The following FASTK variants were observed in gnomAD, a reference collection of about 807,000 sequenced individuals.
FASTK encodes fas-activated serine/threonine kinase.
FASTK carries 28 observed loss-of-function variants against 60.0 expected under a neutral mutation model. The ratio of observed to expected loss-of-function variants is 0.47; its 90% CI spans 0.35 to 0.64. FASTK has a LOEUF of 0.64. FASTK is among the 30% of genes least tolerant of loss of function. The pLI, the probability that FASTK is intolerant of heterozygous loss-of-function variation, is 0.01. For synonymous variants in FASTK, 325 were observed against 307.9 expected, an observed-to-expected ratio of 1.06 and a Z score of -0.58; for missense variants, 595 against 713.8, an observed-to-expected ratio of 0.83 and a Z score of 1.90.
Position 151,079,527 on chromosome 7 carries a change from C to T in FASTK, c.478G>A (p.Val160Met). The T allele has an allele frequency of 5.0e-6, 8 of 1,610,664 alleles. No individual in the cohort carries two copies. Among genetic ancestry groups the T allele is most frequent in the Non-Finnish European group, 6.8e-6 (8 of 1,177,820 alleles). ...CPSFDIHTIH[V>M]CLHLAVLLGF... is the part of the protein sequence containing the mutation. The stretch of plus-strand genomic sequence containing the variant: ...AGTAAGACTGCAAGGTGCAGACACA[C>T]GTGGATGGTGTGAATGTCAAAGGAG... The change falls in exon 2 of 10, where the codon GTG becomes ATG. Residue 160 changes from valine (V) to methionine (M), a missense_variant. Val to Met is a conservative substitution (Grantham distance 21, BLOSUM62 1). Transcript: ENST00000297532.
In FASTK at chr7:151,077,885, T is replaced by C. The variant is rs536778102; in HGVS notation, c.1033A>G (p.Ile345Val). 10 of 1,613,086 alleles carry C rather than the reference T, an allele frequency of 6.2e-6. No homozygotes were observed. The East Asian group carries it at 1.6e-4, about 25-fold the overall frequency. ...AGCCATCCTGGCTGCGTACCACTGA[T>C]GTAGTTGATGAAGCCAGGGGAAAAA... is the stretch of plus-strand genomic sequence containing the variant. Reference protein sequence around the residue: ...FVFSPGFINYISGTPHALIVR... With the variant: ...FVFSPGFINYVSGTPHALIVR... Residue 345 changes from isoleucine to valine, a missense_variant, in exon 5 of 10, where the codon ATC becomes GTC. Physicochemically the swap from Ile to Val is conservative, Grantham distance 29 (BLOSUM62 3). This residue lies in a region of FASTK where 471 missense variants were observed against 605.9 expected (regional missense o/e 0.78). Transcript: ENST00000297532.
In FASTK at chr7:151,077,980, AG is replaced by A; in HGVS notation, c.937del (p.Leu313TrpfsTer7). ...TGACATCAAGATGTTGACTGTAGCC[AG>A]GGGTGCCACCCCTGCTTCCCGAGCC... is the stretch of plus-strand genomic sequence containing the variant. Reference protein sequence around the residue: ...ILAREAGVAPLATVNILMSLC... With the variant: ...ILAREAGVAPXATVNILMSLC... On this transcript the variant is annotated frameshift_variant, in exon 5 of 10. Transcript: ENST00000297532. LOFTEE classifies it high-confidence loss of function. 1 of 1,613,384 alleles carries A rather than the reference AG, an allele frequency of 6.2e-7. No individual in the cohort carries two copies. Among genetic ancestry groups the A allele is most frequent in the South Asian group, 1.1e-5 (1 of 91,076 alleles).
intron 2 of FASTK, 172 bp downstream of exon 2, chr7:151,079,328 G>A: frequency 1.5e-6 from 1 of 679,904 alleles, no homozygotes. Context: ...AGCGAGGCCG[G>A]AAGGAGTGCG....
At chr7:151,080,395 G>C in intron 1 of FASTK, 1 of 1,047,788 alleles carries the variant, frequency 9.5e-7, no homozygotes, top group Non-Finnish European at 1.2e-6. Flanking sequence ...CGGGCTCCGC[G>C]GCTGGACGGT....
Position 151,078,663 on chromosome 7 carries a change from G to A in FASTK, c.724C>T (p.Leu242Phe). Reference sequence around the variant, plus strand: ...TGCCGGGCCAGGTGCTGGGCCAGGAGCACCATCACGTGGGGAGTCAGTTCC... The same window carrying A: ...TGCCGGGCCAGGTGCTGGGCCAGGAACACCATCACGTGGGGAGTCAGTTCC... ...PEELTPHVMV[L>F]LAQHLARHRL... is the part of the protein sequence containing the mutation. The change falls in exon 4 of 10, where the codon CTC becomes TTC. Residue 242 changes from leucine to phenylalanine, a missense_variant. This residue lies in a region of FASTK where 471 missense variants were observed against 605.9 expected (regional missense o/e 0.78). Coordinates refer to ENST00000297532, the MANE Select transcript of FASTK (RefSeq NM_006712.5). 2 of 1,613,262 alleles carry A rather than the reference G, an allele frequency of 1.2e-6. No individual in the cohort carries two copies. Among genetic ancestry groups the A allele is most frequent in the Non-Finnish European group, 8.5e-7 (1 of 1,179,974 alleles).
At chr7:151,078,324 G>A (rs529142500) in intron 4 of FASTK, among the ~76,000 whole-genome samples, 2 of 152,328 alleles carry the variant, frequency 1.3e-5, no homozygotes, top group African/African-American at 2.4e-5. Context: ...CTTCGAGAGG[G>A]ATGGGTGGAG....
In FASTK at chr7:151,079,737, C is replaced by T; in HGVS notation, c.268G>A (p.Glu90Lys). 1 of 1,600,446 alleles carries T rather than the reference C, an allele frequency of 6.2e-7. No individual in the cohort carries two copies. The highest frequency in any genetic ancestry group is 8.5e-7 in the Non-Finnish European group (1 of 1,174,006). Reference protein sequence around the residue: ...GPVQGLQRLLEQAKSPGELLR... With the variant: ...GPVQGLQRLLKQAKSPGELLR... Reference sequence around the variant, plus strand: ...AGCTCCCCAGGGCTCTTCGCCTGTTCCAGAAGCCGCTGCAGTCCTTGCACA... The same window carrying T: ...AGCTCCCCAGGGCTCTTCGCCTGTTTCAGAAGCCGCTGCAGTCCTTGCACA... Residue 90 changes from glutamate to lysine, a missense_variant, in exon 2 of 10, where the codon GAA (glutamate) becomes AAA (lysine). This residue lies in a region of FASTK where 471 missense variants were observed against 605.9 expected (regional missense o/e 0.78). Coordinates refer to ENST00000297532, the MANE Select transcript of FASTK (RefSeq NM_006712.5).
Position 151,077,245 on chromosome 7 carries a change from G to A in FASTK, c.1292-9C>T, listed in dbSNP as rs1307380914. 1 of 1,612,352 alleles carries A rather than the reference G, an allele frequency of 6.2e-7. No individual in the cohort carries two copies. Among genetic ancestry groups the A allele is most frequent in the Admixed American group, 1.7e-5 (1 of 59,988 alleles). On this transcript the variant is annotated splice_polypyrimidine_tract_variant and intron_variant, in intron 7 of 9. Coordinates refer to ENST00000297532, the MANE Select transcript of FASTK (RefSeq NM_006712.5). The stretch of plus-strand genomic sequence containing the variant: ...GGCGCACAGCAGGAAGTCTGGAGGG[G>A]AGCAGGGCCGGCGGCCTTAGCCAGG...
intron 2 of FASTK, chr7:151,079,238 G>A: frequency 1.7e-6 from 1 of 580,110 alleles, no homozygotes; most frequent in Non-Finnish European, 3.0e-6. Flanking sequence ...TGGCAAATAG[G>A]CTTTCATCTC....
At chr7:151,077,820 A>C (rs936008365) in intron 5 of FASTK, 40 bp from the exon 6 acceptor site, 4 of 1,593,448 alleles carry the variant, frequency 2.5e-6, no homozygotes, top group Non-Finnish European at 3.4e-6. Context: ...GCTGCAGGCC[A>C]CCCTGCTCCC....
chr7:151,076,688 C>A lies in FASTK; in HGVS notation c.*37G>T, dbSNP rs753927811. On this transcript the variant is annotated 3_prime_UTR_variant, in exon 10 of 10. Coordinates refer to ENST00000297532, the MANE Select transcript of FASTK (RefSeq NM_006712.5). ...GAACCAAAGTGCAAATCATCCACCCCCCATGGGGGGGCCATCCTGAACCCC... is the reference window on the plus strand; with the variant it reads ...GAACCAAAGTGCAAATCATCCACCCACCATGGGGGGGCCATCCTGAACCCC... 1.5e-6 allele frequency: 2 copies of A among 1,349,286 alleles called. No individual in the cohort carries two copies. The highest frequency in any genetic ancestry group is 2.0e-6 in the Non-Finnish European group (2 of 988,012). 83.6% of individuals were successfully genotyped at this position (1,349,286 alleles called of 1,614,324 possible). A position where few individuals can be genotyped will look rare whatever the true frequency, so the allele number is the denominator to read the frequency against.
chr7:151,077,303 T>A lies in FASTK; in HGVS notation c.1291+7A>T. On this transcript the variant is annotated splice_region_variant and intron_variant, in intron 7 of 9. Transcript: ENST00000297532. Reference sequence around the variant, plus strand: ...CTCCCCGGGCCTGCCGCCTGCCCCTTGCTCACCTGTGCAGTAGCCTGGAGG... The same window carrying A: ...CTCCCCGGGCCTGCCGCCTGCCCCTAGCTCACCTGTGCAGTAGCCTGGAGG... 4 of 1,613,012 alleles carry A rather than the reference T, an allele frequency of 2.5e-6. No homozygotes were observed. Among genetic ancestry groups the A allele is most frequent in the Non-Finnish European group, 3.4e-6 (4 of 1,179,948 alleles).
At position 151,079,517 on chromosome 7, in the gene FASTK, T is replaced by G; in HGVS notation, c.488A>C (p.His163Pro). The stretch of plus-strand genomic sequence containing the variant: ...CTCCTCACCAAGTAAGACTGCAAGG[T>G]GCAGACACACGTGGATGGTGTGAAT... Reference protein sequence around the residue: ...FDIHTIHVCLHLAVLLGFPSD... With the variant: ...FDIHTIHVCLPLAVLLGFPSD... The change falls in exon 2 of 10, where the codon CAC (histidine) becomes CCC (proline). Residue 163 changes from histidine to proline, a missense_variant. This residue lies in a region of FASTK where 471 missense variants were observed against 605.9 expected (regional missense o/e 0.78). Transcript: ENST00000297532. 6.2e-7 allele frequency: 1 copy of G among 1,605,804 alleles called. No individual in the cohort carries two copies. The highest frequency in any genetic ancestry group is 8.5e-7 in the Non-Finnish European group (1 of 1,174,462).
Position 151,076,913 on chromosome 7 carries a change from C to T in FASTK, c.1542G>A (p.Pro514=), listed in dbSNP as rs1368140601. Residue 514 remains proline (P), a splice_region_variant and synonymous_variant, in exon 9 of 10, where the codon CCG becomes CCA. Coordinates refer to ENST00000297532, the MANE Select transcript of FASTK (RefSeq NM_006712.5). The part of the protein sequence containing the change: ...HLGLMGYQLL[P]LPFEELESQR... ...CACGGGCCAGGCCAGGGCCACTCACCGGCAGGAGCTGGTAGCCCATCAGGC... is the reference window on the plus strand; with the variant it reads ...CACGGGCCAGGCCAGGGCCACTCACTGGCAGGAGCTGGTAGCCCATCAGGC... The T allele has an allele frequency of 2.5e-6, 4 of 1,604,360 alleles. No individual in the cohort carries two copies. The highest frequency in any genetic ancestry group is 2.2e-5 in the East Asian group (1 of 44,510).
chr7:151,077,060 C>T (rs768971500), intron 8 of FASTK, 33 bp from the exon 9 acceptor site: 25 of 1,609,358 alleles, frequency 1.6e-5, no homozygotes, highest in Admixed American at 3.3e-5. Context: ...CAGGGCATGG[C>T]GGGCAAGGTG....
chr7:151,078,267 C>T (rs550036127), intron 4 of FASTK, among the ~76,000 whole-genome samples, 175 bp from the exon 5 acceptor site: 1 of 152,268 alleles, frequency 6.6e-6, no homozygotes, highest in South Asian at 2.1e-4. Flanking sequence ...CGTGACTAAT[C>T]ACCAGACAGG....
At chr7:151,078,138 A>C in intron 4 of FASTK, 46 bp from the exon 5 acceptor site, 1 of 1,428,138 alleles carries the variant, frequency 7.0e-7, no homozygotes, top group Non-Finnish European at 9.6e-7. Context: ...GTATTTCTGC[A>C]GTCATCTTTT....
rs565962944 is a variant in FASTK at position 151,079,270 on chromosome 7, G to A, written c.505+230C>T. The A allele has an allele frequency of 2.0e-4, 119 of 586,240 alleles. 1 individual carries two copies. The highest frequency in any genetic ancestry group is 1.7e-3 in the African/African-American group (92 of 53,394). 36.3% of individuals were successfully genotyped at this position (586,240 alleles called of 1,614,324 possible). On this transcript the variant is annotated intron_variant, in intron 2 of 9. Coordinates refer to ENST00000297532, the MANE Select transcript of FASTK (RefSeq NM_006712.5). ...TCTCATACCAATTGTGACAAATTAT[G>A]GTGGCTTCCTAGGGCACTCTATTAG...
In FASTK at chr7:151,078,164, G is replaced by A. The variant is rs562055724; in HGVS notation, c.826-72C>T. 75 of 1,185,080 alleles carry A rather than the reference G, an allele frequency of 6.3e-5. 3 individuals are homozygous for A. The Admixed American group carries it at 1.5e-3, about 24-fold the overall frequency. 73.4% of individuals were successfully genotyped at this position (1,185,080 alleles called of 1,614,324 possible). The stretch of plus-strand genomic sequence containing the variant: ...GTCATCTTTTACAAGCTAAGCCTTA[G>A]AGAGGCTTAGCCCTCAGGTTTACAA... On this transcript the variant is annotated intron_variant, in intron 4 of 9. Coordinates refer to ENST00000297532, the MANE Select transcript of FASTK (RefSeq NM_006712.5).
Sources: gnomAD v4.1 joint callset for allele counts (sites outside exome capture counted in the v4.1 genomes callset) on GRCh38, gnomAD v4.1.1 for gene constraint, gnomAD v4.1.1 regional missense constraint, MANE v1.5 for transcripts, NCBI Gene and HGNC (gene_info 2026-07-23, HGNC 2026-07-21) for gene names.